B3GALT5: variants seen among roughly 807,000 people sequenced by gnomAD.
B3GALT5 encodes the protein UDP-Gal:betaGlcNAc beta 1,3-galactosyltransferase, polypeptide 5.
For synonymous variants in B3GALT5, 156 were observed against 158.6 expected (o/e 0.98, Z 0.12); for missense variants, 328 against 396.6 (o/e 0.83, Z 1.47).
chr21:39,645,746 A>G (rs889114954), intron 1 of B3GALT5, among the ~76,000 whole-genome samples: 1 of 152,058 alleles, frequency 6.6e-6, no homozygotes, highest in Non-Finnish European at 1.5e-5. Flanking sequence ...TCCAGTTGGG[A>G]CAACCTTTGA....
intron 1 of B3GALT5, among the ~76,000 whole-genome samples, chr21:39,631,753 ATAAAT>A (rs1267695965): frequency 1.3e-5 from 2 of 152,378 alleles, no homozygotes; most frequent in African/African-American, 2.4e-5. Context: ...GTAGAGAGAC[ATAAAT>A]TAATAACTAG....
rs777698977 is a variant in B3GALT5, at chr21:39,661,339, C to T, written c.780C>T (p.Leu260=). Residue 260 remains leucine, a synonymous_variant, in exon 4 of 4, where the codon CTC becomes CTT. Transcript: ENST00000684187. This position sits in a 1 kb window ranked among gnomAD's most constrained non-coding sequence, Gnocchi z 4.7. ...GGCTGAACATCAGATTGGAGGAGCT[C>T]CACTCCCAGCCGACCTTTTTTCCAG... ...LERLNIRLEE[L]HSQPTFFPGG... The T allele has an allele frequency of 1.2e-6, 2 of 1,612,950 alleles. No individual in the cohort carries two copies. Among genetic ancestry groups the T allele is most frequent in the East Asian group, 2.2e-5 (1 of 44,872 alleles).
intron 2 of B3GALT5, among the ~76,000 whole-genome samples, chr21:39,651,564 A>G (rs596958): frequency 0.96 from 145,494 of 152,344 alleles, 69,547 homozygotes; most frequent in East Asian, 1. Context: ...CTGAAACTTA[A>G]TGTGGAGCCT....
chr21:39,665,659 T>G lies in B3GALT5; in HGVS notation c.*4167T>G, dbSNP rs573820719. ...CTGCTGGGAGTGCCCTTTCTTCAGATGCTCTCATGCTTCGCTTCTTTGCCT... is the reference window on the plus strand; with the variant it reads ...CTGCTGGGAGTGCCCTTTCTTCAGAGGCTCTCATGCTTCGCTTCTTTGCCT... On this transcript the variant is annotated 3_prime_UTR_variant, in exon 4 of 4. Transcript: ENST00000684187. The G allele has an allele frequency of 6.6e-6, 1 of 152,406 alleles. No individual in the cohort carries two copies. The highest frequency in any genetic ancestry group is 2.1e-4 in the South Asian group (1 of 4,824). 9.4% of individuals were successfully genotyped at this position (152,406 alleles called of 1,614,324 possible). A position where few individuals can be genotyped will look rare whatever the true frequency, so the allele number is the denominator to read the frequency against.
chr21:39,661,064 CT>C lies in B3GALT5; in HGVS notation c.506del (p.Leu169ArgfsTer3). 6.2e-7 allele frequency: 1 copy of C among 1,614,192 alleles called. No homozygotes were observed. ...MFINVDYLTE[L>X]LLKKNRTTRF... Reference sequence around the variant, plus strand: ...CATCAATGTTGACTATCTGACTGAACTGCTTCTGAAGAAAAACAGAACAACC... The same window carrying C: ...CATCAATGTTGACTATCTGACTGAACGCTTCTGAAGAAAAACAGAACAACC... On this transcript the variant is annotated frameshift_variant, in exon 4 of 4. Coordinates refer to ENST00000684187, the MANE Select transcript of B3GALT5 (RefSeq NM_001356336.2). LOFTEE classifies it low-confidence loss of function (END_TRUNC). This position sits in a 1 kb window ranked among gnomAD's most constrained non-coding sequence, Gnocchi z 4.7.
In B3GALT5 at chr21:39,661,203, C is replaced by G. The variant is rs1163049444; in HGVS notation, c.644C>G (p.Ser215Cys). Residue 215 changes from serine (S) to cysteine (C), a missense_variant, in exon 4 of 4, where the codon TCC (serine) becomes TGC (cysteine). Coordinates refer to ENST00000684187, the MANE Select transcript of B3GALT5 (RefSeq NM_001356336.2). The surrounding 1 kb of genome is among the most constrained non-coding windows in gnomAD (Gnocchi z 4.7). The part of the protein sequence containing the change: ...YPWDRYPPFC[S>C]GTGYVFSGDV... ...TGGGACAGGTACCCACCATTCTGCT[C>G]CGGCACCGGCTACGTGTTTTCTGGC... 1 of 1,614,062 alleles carries G rather than the reference C, an allele frequency of 6.2e-7. No individual in the cohort carries two copies. The highest frequency in any genetic ancestry group is 8.5e-7 in the Non-Finnish European group (1 of 1,180,056).
intron 3 of B3GALT5, among the ~76,000 whole-genome samples, chr21:39,660,155 G>A (rs890918190): frequency 3.9e-5 from 6 of 152,190 alleles, no homozygotes; most frequent in Non-Finnish European, 8.8e-5. Context: ...AATGCAAGTG[G>A]TCCATACATT....
intron 1 of B3GALT5, among the ~76,000 whole-genome samples, chr21:39,623,332 T>C (rs1383449557): frequency 1.3e-5 from 2 of 151,192 alleles, no homozygotes; most frequent in Non-Finnish European, 2.9e-5. Context: ...TATTTTTGGA[T>C]GTTTTAAACA....
intron 1 of B3GALT5, among the ~76,000 whole-genome samples, chr21:39,628,274 A>T (rs922747638): frequency 5.3e-5 from 8 of 152,208 alleles, no homozygotes; most frequent in Non-Finnish European, 1.2e-4. Context: ...GTTTATCTAA[A>T]CTTACGGGGT....
rs1417848650 is a variant in B3GALT5, at chr21:39,669,436, C to T, written c.*7944C>T. ...TTTATTTATTCATCTGTTGAGTGCT[C>T]AGTGCTTTGACCGGGCATCCTGAAT... On this transcript the variant is annotated 3_prime_UTR_variant, in exon 4 of 4. Transcript: ENST00000684187. 1.3e-5 allele frequency: 2 copies of T among 152,116 alleles called. No individual in the cohort carries two copies. The highest frequency in any genetic ancestry group is 3.9e-4 in the East Asian group (2 of 5,182). 9.4% of individuals were successfully genotyped at this position (152,116 alleles called of 1,614,324 possible).
At chr21:39,638,165 G>T (rs934480135) in intron 1 of B3GALT5, among the ~76,000 whole-genome samples, 1 of 152,196 alleles carries the variant, frequency 6.6e-6, no homozygotes, top group African/African-American at 2.4e-5. Context: ...CCCTAGGCCT[G>T]TGCCCACGAA....
At chr21:39,637,706 G>C (rs549861660) in intron 1 of B3GALT5, among the ~76,000 whole-genome samples, 78 of 152,328 alleles carry the variant, frequency 5.1e-4, no homozygotes, top group African/African-American at 1.9e-3. Flanking sequence ...CCCACCTGCC[G>C]TGGCTTTTCT....
intron 1 of B3GALT5, among the ~76,000 whole-genome samples, chr21:39,635,321 G>C (rs145307757): frequency 6.6e-6 from 1 of 152,114 alleles, no homozygotes; most frequent in Non-Finnish European, 1.5e-5. Context: ...GAGTGAAGGT[G>C]TGTGAGTCAA....
chr21:39,653,899 C>T (rs1206400881), intron 2 of B3GALT5, among the ~76,000 whole-genome samples: 1 of 152,188 alleles, frequency 6.6e-6, no homozygotes, highest in African/African-American at 2.4e-5. Flanking sequence ...CTCATTACTC[C>T]ACTCCCTTAT....
At position 39,646,952 on chromosome 21, in the gene B3GALT5, T is replaced by C. The variant is rs557847251; in HGVS notation, c.-161+330T>C. Among the ~76,000 whole-genome samples the C allele has an allele frequency of 1.8e-4, 27 of 152,018 alleles. No homozygotes were observed. In the East Asian group the frequency reaches 5.2e-3, roughly 29 times the overall value. ...CCCATCTCTAGAAAAAATACAAAAA[T>C]TCCCTGGGTGTGGTGGTGCATGCCT... On this transcript the variant is annotated intron_variant, in intron 2 of 3. Transcript: ENST00000684187.
chr21:39,647,242 A>C (rs1471602737), intron 2 of B3GALT5, among the ~76,000 whole-genome samples: 2 of 152,216 alleles, frequency 1.3e-5, no homozygotes, highest in Non-Finnish European at 2.9e-5. Flanking sequence ...TCTCACCTTG[A>C]GGACGGCCAA....
In B3GALT5 at chr21:39,660,586, GTATATT is replaced by G; in HGVS notation, c.29_34del (p.Tyr10_Ile11del). ...TGGCTTTCCCGAAGATGAGATTGAT[GTATATT>G]TGCCTTCTGGTTCTGGGGGCTCTTT... On this transcript the variant is annotated inframe_deletion, in exon 4 of 4. Coordinates refer to ENST00000684187, the MANE Select transcript of B3GALT5 (RefSeq NM_001356336.2). 7.0e-7 allele frequency: 1 copy of G among 1,433,338 alleles called. No homozygotes were observed. The highest frequency in any genetic ancestry group is 9.2e-7 in the Non-Finnish European group (1 of 1,090,716). 88.8% of individuals were successfully genotyped at this position (1,433,338 alleles called of 1,614,324 possible).
intron 1 of B3GALT5, among the ~76,000 whole-genome samples, chr21:39,644,370 A>C (rs1158548597): frequency 6.6e-6 from 1 of 152,146 alleles, no homozygotes. Flanking sequence ...TGTGGGCAAA[A>C]TATGAGGGAG....
intron 1 of B3GALT5, among the ~76,000 whole-genome samples, chr21:39,631,413 C>T (rs2079191369): frequency 6.6e-6 from 1 of 152,140 alleles, no homozygotes; most frequent in African/African-American, 2.4e-5. Context: ...GTCCAAATTT[C>T]CCCTAATTAT....
Sources: allele counts gnomAD v4.1 joint callset (sites outside exome capture counted in the v4.1 genomes callset), GRCh38; gene constraint gnomAD v4.1.1; non-coding constraint Gnocchi (gnomAD v3.1); transcripts MANE v1.5; gene names NCBI Gene and HGNC (gene_info 2026-07-23, HGNC 2026-07-21).